The following DAB1 variants were observed in gnomAD, a reference collection of about 807,000 sequenced individuals.
DAB1 encodes disabled homolog 1.
DAB1 carries 15 observed loss-of-function variants against 64.6 expected under a neutral mutation model. The ratio of observed to expected loss-of-function variants is 0.23; its 90% CI spans 0.16 to 0.36. The LOEUF (loss-of-function observed/expected upper bound fraction) is 0.36, where lower values mean the gene tolerates loss of function less well. Ranked by LOEUF, DAB1 falls within the 10% of genes least tolerant of loss-of-function variation. The pLI is 1.00. For synonymous variants in DAB1, 235 were observed against 251.9 expected (o/e 0.93, Z 0.64); for missense variants, 596 against 706.7 (o/e 0.84, Z 1.78).
At chr1:58,169,817 C>G (rs1194964773) in intron 4 of DAB1, among the ~76,000 whole-genome samples, 1 of 152,186 alleles carries the variant, frequency 6.6e-6, no homozygotes, top group Admixed American at 6.5e-5. Context: ...CAAAAACCCC[C>G]AGGCTATCGG....
chr1:57,233,130 C>A (rs1667809717), intron 2 of DAB1, among the ~76,000 whole-genome samples: 1 of 152,208 alleles, frequency 6.6e-6, no homozygotes, highest in Non-Finnish European at 1.5e-5. Context: ...AAACCAAGTG[C>A]CACGCTTCCA....
intron 1 of DAB1, among the ~76,000 whole-genome samples, chr1:57,412,596 A>C (rs982790648): frequency 2.6e-5 from 4 of 152,230 alleles, no homozygotes; most frequent in African/African-American, 9.6e-5. Context: ...TGGATATGGA[A>C]AGAATTTTAG....
At chr1:57,595,355 C>G (rs558880501) in intron 7 of DAB1, among the ~76,000 whole-genome samples, 2 of 151,788 alleles carry the variant, frequency 1.3e-5, no homozygotes, top group African/African-American at 4.8e-5. Context: ...CTTTTTTGGG[C>G]CCCCAAATCT....
chr1:58,311,374 C>G (rs1662424840), intron 4 of DAB1, among the ~76,000 whole-genome samples: 1 of 149,094 alleles, frequency 6.7e-6, no homozygotes, highest in East Asian at 2.0e-4. Context: ...TCTTTGACAA[C>G]ACTTATTTCC....
At chr1:57,278,867 A>G (rs1394384271) in intron 2 of DAB1, among the ~76,000 whole-genome samples, 2 of 152,218 alleles carry the variant, frequency 1.3e-5, no homozygotes, top group Admixed American at 6.5e-5. Context: ...CACCTTCCTC[A>G]TCTGTAAACC....
chr1:57,376,604 G>C (rs1334289245), intron 1 of DAB1, among the ~76,000 whole-genome samples: 1 of 152,170 alleles, frequency 6.6e-6, no homozygotes, highest in African/African-American at 2.4e-5. Flanking sequence ...TTGCTTACAT[G>C]TTTGTTTCCA....
intron 4 of DAB1, among the ~76,000 whole-genome samples, chr1:57,075,751 C>T (rs530443516): frequency 1.2e-4 from 18 of 152,254 alleles, no homozygotes; most frequent in Non-Finnish European, 2.2e-4. Flanking sequence ...GAGATTGAAA[C>T]GCCAGGACCA....
intron 7 of DAB1, among the ~76,000 whole-genome samples, chr1:57,429,431 T>C (rs1472644987): frequency 6.6e-6 from 1 of 152,178 alleles, no homozygotes; most frequent in Admixed American, 6.5e-5. Context: ...TTTCTCCCAT[T>C]CTGTAGGTTG....
intron 6 of DAB1, among the ~76,000 whole-genome samples, chr1:57,660,724 T>C (rs1332120027): frequency 6.6e-6 from 1 of 152,224 alleles, no homozygotes; most frequent in Non-Finnish European, 1.5e-5. Flanking sequence ...ACAGCCACTT[T>C]GCTGGGGCCA....
chr1:58,539,886 A>G (rs1646577723), intron 1 of DAB1, among the ~76,000 whole-genome samples: 1 of 152,188 alleles, frequency 6.6e-6, no homozygotes. Context: ...CAAGTAAACC[A>G]AGGTTGCTAG....
At chr1:57,466,486 T>C (rs942744040) in intron 7 of DAB1, among the ~76,000 whole-genome samples, 2 of 152,190 alleles carry the variant, frequency 1.3e-5, no homozygotes, top group Non-Finnish European at 2.9e-5. Context: ...GCCTCATCTA[T>C]TAATTGCCAA....
intron 4 of DAB1, among the ~76,000 whole-genome samples, chr1:58,295,000 T>A (rs1476696153): frequency 1.3e-5 from 2 of 152,008 alleles, no homozygotes; most frequent in East Asian, 3.9e-4. Flanking sequence ...GCTTTCTTAG[T>A]CATTAGCAAA....
intron 2 of DAB1, among the ~76,000 whole-genome samples, chr1:57,210,357 T>G (rs1010981965): frequency 6.6e-6 from 1 of 152,140 alleles, no homozygotes; most frequent in African/African-American, 2.4e-5. Flanking sequence ...ATATAATTCT[T>G]AAAAATAAAA....
intron 2 of DAB1, among the ~76,000 whole-genome samples, chr1:57,243,626 A>C (rs930207812): frequency 6.6e-6 from 1 of 152,112 alleles, no homozygotes; most frequent in Non-Finnish European, 1.5e-5. Flanking sequence ...CATTCTATAC[A>C]TCATGTTTGC....
rs74077755 is a variant in DAB1 at position 57,656,997 on chromosome 1, A to C, written n.552-7332T>G. 9.5e-3 allele frequency among the ~76,000 whole-genome samples: 1,448 copies of C among 152,326 alleles called. 25 individuals carry two copies. Among genetic ancestry groups the C allele is most frequent in the African/African-American group, 0.033 (1,373 of 41,564 alleles). ...GGAATGAATGGCAGGCCTTATAATT[A>C]GGCTTATTATACAAACAATTATATG... On this transcript the variant is annotated intron_variant and non_coding_transcript_variant, in intron 6 of 20. Coordinates refer to the DAB1 transcript ENST00000485760.
At position 57,511,626 on chromosome 1, in the gene DAB1, C is replaced by T. The variant is rs1033764129; in HGVS notation, n.625+137966G>A. Among the ~76,000 whole-genome samples the T allele has an allele frequency of 3.3e-5, 5 of 152,010 alleles. No homozygotes were observed. In the South Asian group the frequency reaches 1.0e-3, roughly 32 times the overall value. On this transcript the variant is annotated intron_variant and non_coding_transcript_variant, in intron 7 of 20. Transcript: ENST00000485760. ...TCTTTCTAGTTTACTGTCTGTTTCC[C>T]CCTGAGGAATGTAAGCTCCATGAGG...
intron 5 of DAB1, among the ~76,000 whole-genome samples, chr1:58,107,425 C>G (rs1255992341): frequency 6.7e-6 from 1 of 148,638 alleles, no homozygotes; most frequent in Non-Finnish European, 1.5e-5. Context: ...GAGCAGAGAT[C>G]GTGCCACTGC....
chr1:57,781,816 C>T (rs1197245421), intron 6 of DAB1, among the ~76,000 whole-genome samples: 1 of 151,560 alleles, frequency 6.6e-6, no homozygotes, highest in East Asian at 1.9e-4. Flanking sequence ...ACCTTGAAGA[C>T]AGTAAAACTG....
chr1:58,354,682 G>C (rs902452672), intron 3 of DAB1, among the ~76,000 whole-genome samples: 8 of 152,148 alleles, frequency 5.3e-5, no homozygotes, highest in Non-Finnish European at 1.0e-4. Context: ...AGGGAGGAGG[G>C]GAAGTCTGTC....
Sources: gnomAD v4.1 joint callset for allele counts (sites outside exome capture counted in the v4.1 genomes callset) on GRCh38, gnomAD v4.1.1 for gene constraint, MANE v1.5 for transcripts, NCBI Gene and HGNC (gene_info 2026-07-23, HGNC 2026-07-21) for gene names.